Variants in PKD1L1 observed in about 807,000 individuals in gnomAD.
The protein encoded by PKD1L1 is polycystin-1-like protein 1.
A neutral mutation model predicts 323.4 loss-of-function variants in PKD1L1; 236 were observed. That is an observed-to-expected ratio of 0.73 (90% confidence interval 0.66 to 0.81). The LOEUF is 0.81. Ranked by LOEUF, PKD1L1 falls within the 40% of genes least tolerant of loss-of-function variation. The pLI, the probability that PKD1L1 is intolerant of heterozygous loss-of-function variation, is 0.00. For synonymous variants in PKD1L1, 1,344 were observed against 1,335.0 expected (o/e 1.01, Z -0.15); for missense variants, 3,320 against 3,508.0 (o/e 0.95, Z 1.35).
At chr7:47,957,596 C>T in the PKD1L1 span, among the ~76,000 whole-genome samples, 1 of 152,082 alleles carries the variant, frequency 6.6e-6, no homozygotes. Context: ...GCAGCCTCAA[C>T]TCCCTGGGCT....
intron 23 of PKD1L1, 24 bp from the exon 24 acceptor site, chr7:47,874,034 G>A (rs1195861446): frequency 1.4e-6 from 2 of 1,453,114 alleles, no homozygotes; most frequent in Non-Finnish European, 1.9e-6. Flanking sequence ...TGTCAGAAGA[G>A]GGTCATCTTG....
In PKD1L1 at chr7:47,905,863, G is replaced by T; in HGVS notation, c.1502C>A (p.Thr501Asn). Residue 501 changes from threonine to asparagine, a missense_variant, in exon 10 of 57, where the codon ACT becomes AAT. Coordinates refer to ENST00000289672, the MANE Select transcript of PKD1L1 (RefSeq NM_138295.5). ...CATACATTGCATCTTATACCAGACAGTCATGCTGTGCCAAGCCTGGCTGTC... is the reference window on the plus strand; with the variant it reads ...CATACATTGCATCTTATACCAGACATTCATGCTGTGCCAAGCCTGGCTGTC... ...VGDSQAWHSMTVWYKMQSVSV... is the reference protein window; with the variant it reads ...VGDSQAWHSMNVWYKMQSVSV... 1 of 1,613,254 alleles carries T rather than the reference G, an allele frequency of 6.2e-7. No individual in the cohort carries two copies.
At chr7:47,792,479 G>T in intron 56 of PKD1L1, 148 bp downstream of exon 56, 1 of 762,978 alleles carries the variant, frequency 1.3e-6, no homozygotes, top group Non-Finnish European at 2.0e-6. Flanking sequence ...TTTAGTTCTG[G>T]CCAGAGCATA....
intron 1 of PKD1L1, 96 bp downstream of exon 1, chr7:47,948,300 GC>G: frequency 7.1e-7 from 1 of 1,413,800 alleles, no homozygotes. Flanking sequence ...GCCAGAGTGA[GC>G]CCACATCCTA....
In PKD1L1 at chr7:47,842,830, A is replaced by G. The variant is rs942378543; in HGVS notation, c.5445+132T>C. 9.5e-6 allele frequency: 8 copies of G among 845,220 alleles called. No homozygotes were observed. The African/African-American group carries it at 1.0e-4, about 11-fold the overall frequency. The allele number at this position is 845,220 out of a possible 1,614,324, so 52.4% of individuals were successfully genotyped here. On this transcript the variant is annotated intron_variant, in intron 34 of 56. Transcript: ENST00000289672. ...GGGAGGGCAGTGGAAAGGGCGGGCAAGCTTTGCCTCAGCAATGAGATGAGG... is the reference window on the plus strand; with the variant it reads ...GGGAGGGCAGTGGAAAGGGCGGGCAGGCTTTGCCTCAGCAATGAGATGAGG...
At chr7:47,944,174 G>A (rs546699366) in intron 1 of PKD1L1, among the ~76,000 whole-genome samples, 8 of 152,264 alleles carry the variant, frequency 5.3e-5, no homozygotes, top group South Asian at 4.1e-4. Context: ...CTGGTGGGAG[G>A]TGTTTGGATC....
In PKD1L1 at chr7:47,823,331, C is replaced by T. The variant is rs145290008; in HGVS notation, c.6855-2145G>A. Among the ~76,000 whole-genome samples the T allele has an allele frequency of 1.7e-3, 259 of 152,156 alleles. 1 individual carries two copies. The highest frequency in any genetic ancestry group is 5.4e-3 in the African/African-American group (226 of 41,520). On this transcript the variant is annotated intron_variant, in intron 45 of 56. Transcript: ENST00000289672. ...AATGCTTTTTCTGCCTCTATTGAGA[C>T]GAGCATGTGGTTTTTCTTATTTAGT...
chr7:47,894,476 T>G (rs1305162583), intron 14 of PKD1L1, among the ~76,000 whole-genome samples: 1 of 152,200 alleles, frequency 6.6e-6, no homozygotes, highest in Non-Finnish European at 1.5e-5. Flanking sequence ...TTAGGAAATG[T>G]AAATGAAATT....
the PKD1L1 span, among the ~76,000 whole-genome samples, chr7:47,953,681 A>G: frequency 3.9e-5 from 6 of 152,350 alleles, no homozygotes; most frequent in East Asian, 1.2e-3. Context: ...TGCTCCAAAA[A>G]CTGGTAAAGC....
chr7:47,829,531 C>T lies in PKD1L1; in HGVS notation c.6629G>A (p.Cys2210Tyr). 6.2e-7 allele frequency: 1 copy of T among 1,614,050 alleles called. No individual in the cohort carries two copies. Among genetic ancestry groups the T allele is most frequent in the Non-Finnish European group, 8.5e-7 (1 of 1,180,010 alleles). The change falls in exon 44 of 57, where the codon TGT becomes TAT. Residue 2210 changes from cysteine to tyrosine, a missense_variant. Physicochemically the swap from Cys to Tyr is radical, Grantham distance 194 (BLOSUM62 -2). Transcript: ENST00000289672. The stretch of plus-strand genomic sequence containing the variant: ...AGAGTCCAGATCCCTGGTAGCCTCA[C>T]ATAAAGACTCAGTAAAAAAGTGGTT... Reference protein sequence around the residue: ...ADNHFFTESLCEATRDLDSEL... With the variant: ...ADNHFFTESLYEATRDLDSEL...
At chr7:47,956,346 C>T in the PKD1L1 span, among the ~76,000 whole-genome samples, 3 of 152,184 alleles carry the variant, frequency 2.0e-5, no homozygotes, top group Non-Finnish European at 4.4e-5. Context: ...ATGGTCCTTT[C>T]CCCCTGGAAG....
chr7:47,853,745 A>AAAAC (rs1172940521), intron 30 of PKD1L1, among the ~76,000 whole-genome samples: 2,471 of 146,616 alleles, frequency 0.017, 120 homozygotes, highest in African/African-American at 0.062. Context: ...CTCTGTCTCA[A>AAAAC]AAACAAACAA....
At chr7:47,915,167 G>A (rs1787401179) in intron 8 of PKD1L1, among the ~76,000 whole-genome samples, 1 of 152,200 alleles carries the variant, frequency 6.6e-6, no homozygotes, top group African/African-American at 2.4e-5. Flanking sequence ...TCCTCTAAAT[G>A]ATCAGTCCCC....
intron 51 of PKD1L1, 42 bp downstream of exon 51, chr7:47,809,431 T>C (rs957845084): frequency 2.9e-6 from 4 of 1,379,790 alleles, no homozygotes; most frequent in African/African-American, 1.5e-5. Context: ...TATAAACAGT[T>C]TATTGTTATT....
rs945093062 is a variant in PKD1L1, at chr7:47,876,449, C to T, written c.3664-232G>A. Among the ~76,000 whole-genome samples the T allele has an allele frequency of 1.6e-4, 24 of 151,954 alleles. No homozygotes were observed. The South Asian group carries it at 2.5e-3, about 16-fold the overall frequency. ...CTCGAACAACACTGAGATTCCCCAC[C>T]AGTGTCTGTGTCCTCTCCTTGTCCT... is the stretch of plus-strand genomic sequence containing the variant. On this transcript the variant is annotated intron_variant, in intron 22 of 56. Coordinates refer to ENST00000289672, the MANE Select transcript of PKD1L1 (RefSeq NM_138295.5).
intron 55 of PKD1L1, among the ~76,000 whole-genome samples, chr7:47,794,199 C>T (rs1022957189): frequency 2.0e-5 from 3 of 152,138 alleles, no homozygotes; most frequent in Non-Finnish European, 4.4e-5. Context: ...AATGTTAATC[C>T]CCAAGGCCAT....
Position 47,902,500 on chromosome 7 carries a change from A to T in PKD1L1, c.1943T>A (p.Phe648Tyr). The T allele has an allele frequency of 6.2e-7, 1 of 1,614,000 alleles. No homozygotes were observed. The highest frequency in any genetic ancestry group is 1.1e-5 in the South Asian group (1 of 91,030). The change falls in exon 13 of 57, where the codon TTT (phenylalanine) becomes TAT (tyrosine). Residue 648 changes from phenylalanine to tyrosine, a missense_variant. By Grantham distance (22) the Phe-to-Tyr change is conservative. Transcript: ENST00000289672. ...SSHVYSREGE[F>Y]TVEVLAFNNV... is the part of the protein sequence containing the mutation. The stretch of plus-strand genomic sequence containing the variant: ...ATTGAAGGCAAGGACCTCCACTGTA[A>T]ATTCTCCTTCCCTGGGACGGTGGAA...
intron 27 of PKD1L1, 131 bp downstream of exon 27, chr7:47,858,542 A>G: frequency 1.3e-6 from 1 of 771,506 alleles, no homozygotes; most frequent in Non-Finnish European, 2.1e-6. Flanking sequence ...CCAAAATGCC[A>G]CCCAGAAGAA....
rs1788094356 is a variant in PKD1L1 at position 47,946,330 on chromosome 7, A to G, written c.44+2067T>C. ...GGGGCTGGGGGGCAAGGGGAGGGAG[A>G]GCATTAGGACAAATACCTACCACAC... On this transcript the variant is annotated intron_variant, in intron 1 of 56. Coordinates refer to ENST00000289672, the MANE Select transcript of PKD1L1 (RefSeq NM_138295.5). This position sits in a 1 kb window ranked among gnomAD's most constrained non-coding sequence, Gnocchi z 4.1. Among the ~76,000 whole-genome samples, 1 of 151,768 alleles carries G rather than the reference A, an allele frequency of 6.6e-6. No homozygotes were observed. The highest frequency in any genetic ancestry group is 2.1e-4 in the South Asian group (1 of 4,812).
Sources: gnomAD v4.1 joint callset for allele counts (sites outside exome capture counted in the v4.1 genomes callset) on GRCh38, gnomAD v4.1.1 for gene constraint, Gnocchi (gnomAD v3.1) non-coding constraint, MANE v1.5 for transcripts, NCBI Gene and HGNC (gene_info 2026-07-23, HGNC 2026-07-21) for gene names.